The following ADAM10 variants were observed in gnomAD, a reference collection of about 807,000 sequenced individuals.
The protein encoded by ADAM10 is disintegrin and metalloproteinase domain-containing protein 10.
Under a neutral mutation model 90.1 loss-of-function variants are expected in ADAM10, and 17 were observed. The observed-to-expected ratio is 0.19, with a 90% CI of 0.13 to 0.28. The LOEUF is 0.28. ADAM10 is among the 10% of genes least tolerant of loss of function. The pLI, the probability that ADAM10 is intolerant of heterozygous loss-of-function variation, is 1.00. For synonymous variants in ADAM10, 310 were observed against 298.6 expected (o/e 1.04, Z -0.40); for missense variants, 610 against 914.3 (o/e 0.67, Z 4.29).
At chr15:58,725,341 G>C (rs2140828654) in intron 1 of ADAM10, among the ~76,000 whole-genome samples, 1 of 150,952 alleles carries the variant, frequency 6.6e-6, no homozygotes, top group South Asian at 2.1e-4. Flanking sequence ...AGATCAGCTG[G>C]GCAATATAGC....
At chr15:58,643,243 A>G (rs1385069361) in intron 7 of ADAM10, among the ~76,000 whole-genome samples, 2 of 152,072 alleles carry the variant, frequency 1.3e-5, no homozygotes, top group Non-Finnish European at 1.5e-5. Flanking sequence ...ACGTGACCCT[A>G]TGGCTCCGGA....
At chr15:58,688,784 A>ATATATATATATATATATATATC (rs1566995679) in intron 2 of ADAM10, among the ~76,000 whole-genome samples, 2 of 119,046 alleles carry the variant, frequency 1.7e-5, no homozygotes, top group African/African-American at 7.6e-5. Context: ...ATATATATAT[A>ATATATATATATATATATATATC]TATCTCTCTC....
At chr15:58,606,882 T>A (rs1895292099) in intron 14 of ADAM10, among the ~76,000 whole-genome samples, 1 of 152,216 alleles carries the variant, frequency 6.6e-6, no homozygotes, top group South Asian at 2.1e-4. Context: ...AAAGCCCAGA[T>A]AAACATTTGA....
chr15:58,631,780 C>A (rs1280744341), intron 9 of ADAM10, among the ~76,000 whole-genome samples: 1 of 152,154 alleles, frequency 6.6e-6, no homozygotes, highest in African/African-American at 2.4e-5. Flanking sequence ...AACAATAATT[C>A]TCTGCTCATC....
intron 4 of ADAM10, among the ~76,000 whole-genome samples, chr15:58,670,310 A>T (rs1284598270): frequency 6.6e-6 from 1 of 152,110 alleles, no homozygotes; most frequent in Non-Finnish European, 1.5e-5. Flanking sequence ...TAAGAGTATA[A>T]ATCTGTGTAA....
chr15:58,615,403 G>A (rs1245072951), intron 11 of ADAM10, among the ~76,000 whole-genome samples: 1 of 151,754 alleles, frequency 6.6e-6, no homozygotes, highest in Non-Finnish European at 1.5e-5. Flanking sequence ...CAACCTGGCT[G>A]AATGGGCCTA....
intron 5 of ADAM10, among the ~76,000 whole-genome samples, chr15:58,657,888 GTT>G (rs199921945): frequency 7.1e-6 from 1 of 141,466 alleles, no homozygotes; most frequent in Non-Finnish European, 1.6e-5. Context: ...TGGGGTTTGT[GTT>G]TTTTTTTTTT....
At chr15:58,604,138 G>A (rs1895197490) in intron 14 of ADAM10, among the ~76,000 whole-genome samples, 1 of 152,052 alleles carries the variant, frequency 6.6e-6, no homozygotes, top group Non-Finnish European at 1.5e-5. Context: ...GGGGCGGGTG[G>A]ATCACCTGAG....
rs912887097 is a variant in ADAM10 at position 58,690,549 on chromosome 15, A to G, written c.207-8235T>C. On this transcript the variant is annotated intron_variant, in intron 2 of 15. Coordinates refer to ENST00000260408, the MANE Select transcript of ADAM10 (RefSeq NM_001110.4). ...CAAAAAAACAGGATATACAACATCC[A>G]ATTCTGCTGTCAAAGTAGAGAGGGA... is the stretch of plus-strand genomic sequence containing the variant. 2.6e-5 allele frequency among the ~76,000 whole-genome samples: 4 copies of G among 152,200 alleles called. 1 individual carries two copies. Among genetic ancestry groups the G allele is most frequent in the Non-Finnish European group, 5.9e-5 (4 of 68,032 alleles).
intron 1 of ADAM10, among the ~76,000 whole-genome samples, chr15:58,744,992 G>C (rs1384339197): frequency 1.3e-5 from 2 of 152,220 alleles, no homozygotes; most frequent in African/African-American, 4.8e-5. Flanking sequence ...AGACCAGTCT[G>C]GCCAATATGG....
intron 1 of ADAM10, among the ~76,000 whole-genome samples, chr15:58,735,117 C>A (rs1296218148): frequency 6.6e-6 from 1 of 152,192 alleles, no homozygotes; most frequent in African/African-American, 2.4e-5. Flanking sequence ...TAACTATTCA[C>A]CCATCTCTAT....
intron 2 of ADAM10, among the ~76,000 whole-genome samples, chr15:58,696,299 C>CA (rs75253917): frequency 0.58 from 86,527 of 149,320 alleles, 27,039 homozygotes; most frequent in Non-Finnish European, 0.71. Context: ...AAAACAACAA[C>CA]AAAAAAAAAC....
At chr15:58,604,433 G>C (rs1895210914) in intron 14 of ADAM10, among the ~76,000 whole-genome samples, 2 of 152,158 alleles carry the variant, frequency 1.3e-5, no homozygotes, top group South Asian at 4.1e-4. Flanking sequence ...GGTTCTCCCA[G>C]TTCTGTGAAA....
At chr15:58,598,064 G>A (rs112691720) in intron 15 of ADAM10, among the ~76,000 whole-genome samples, 6 of 152,292 alleles carry the variant, frequency 3.9e-5, no homozygotes, top group African/African-American at 1.4e-4. Context: ...GAATCCATAT[G>A]AGGGAATTAC....
At chr15:58,616,859 A>G (rs1381561123) in intron 11 of ADAM10, among the ~76,000 whole-genome samples, 5 of 152,250 alleles carry the variant, frequency 3.3e-5, no homozygotes, top group African/African-American at 1.2e-4. Flanking sequence ...CTATAATCCC[A>G]GCACTTTGGG....
At chr15:58,726,295 A>C (rs888183712) in intron 1 of ADAM10, among the ~76,000 whole-genome samples, 2 of 152,116 alleles carry the variant, frequency 1.3e-5, no homozygotes, top group Admixed American at 6.5e-5. Context: ...GCAGAGATAA[A>C]ATTGAATCAT....
At position 58,597,232 on chromosome 15, in the gene ADAM10, A is replaced by C; in HGVS notation, c.*315T>G. On this transcript the variant is annotated 3_prime_UTR_variant, in exon 16 of 16. Coordinates refer to ENST00000260408, the MANE Select transcript of ADAM10 (RefSeq NM_001110.4). Reference sequence around the variant, plus strand: ...TTTATTGAGAGCCAAGTTTGCCTGCAAGTGAAGAAAATGCAGCAACGAAGA... The same window carrying C: ...TTTATTGAGAGCCAAGTTTGCCTGCCAGTGAAGAAAATGCAGCAACGAAGA... The C allele has an allele frequency of 2.6e-6, 2 of 773,148 alleles. No individual in the cohort carries two copies. Among genetic ancestry groups the C allele is most frequent in the Non-Finnish European group, 4.0e-6 (2 of 498,600 alleles). 47.9% of individuals were successfully genotyped at this position (773,148 alleles called of 1,614,324 possible).
chr15:58,669,106 AAATT>A (rs1243601049), intron 4 of ADAM10, among the ~76,000 whole-genome samples: 4 of 152,160 alleles, frequency 2.6e-5, no homozygotes, highest in African/African-American at 7.2e-5. Context: ...CAATTAAGAA[AAATT>A]ATTATATACC....
intron 5 of ADAM10, among the ~76,000 whole-genome samples, chr15:58,649,427 G>C (rs1201760165): frequency 6.6e-6 from 1 of 152,034 alleles, no homozygotes; most frequent in African/African-American, 2.4e-5. Flanking sequence ...ATTATCTAAT[G>C]TGTTCTTTAT....
Sources: gnomAD v4.1 joint callset for allele counts (sites outside exome capture counted in the v4.1 genomes callset) on GRCh38, gnomAD v4.1.1 for gene constraint, MANE v1.5 for transcripts, NCBI Gene and HGNC (gene_info 2026-07-23, HGNC 2026-07-21) for gene names.